Variants in STAM2 observed in about 807,000 individuals in gnomAD.
STAM2 encodes the protein signal transducing adapter molecule 2.
STAM2 carries 51 observed loss-of-function variants against 65.6 expected under a neutral mutation model. The observed-to-expected ratio is 0.78, with a 90% CI of 0.62 to 0.98. The LOEUF (loss-of-function observed/expected upper bound fraction) is 0.98, where lower values mean the gene tolerates loss of function less well. Ranked by LOEUF, STAM2 falls within the 50% of genes least tolerant of loss-of-function variation. STAM2 has a pLI of 0.00. For missense variants in STAM2, 584 were observed against 617.8 expected (o/e 0.95, Z 0.58); for synonymous variants, 198 against 208.4 (o/e 0.95, Z 0.43).
chr2:152,157,407 T>C (rs75577853), intron 1 of STAM2, among the ~76,000 whole-genome samples: 25 of 152,270 alleles, frequency 1.6e-4, no homozygotes, highest in East Asian at 9.7e-4. Flanking sequence ...AAGGAAGTAA[T>C]TGTTGTTAAA....
At chr2:152,144,826 C>G (rs866685342) in intron 6 of STAM2, 62 bp downstream of exon 6, 1 of 1,459,100 alleles carries the variant, frequency 6.9e-7, no homozygotes, top group Non-Finnish European at 9.6e-7. Context: ...CGTGAGCCAC[C>G]GCGCCCAGCC....
At chr2:152,151,825 C>T (rs762533400) in intron 1 of STAM2, among the ~76,000 whole-genome samples, 2 of 152,180 alleles carry the variant, frequency 1.3e-5, no homozygotes, top group Non-Finnish European at 2.9e-5. Flanking sequence ...GGGTCATCCA[C>T]GTTGTAGCAT....
In STAM2 at chr2:152,174,353, G is replaced by A. The variant is rs151176705; in HGVS notation, c.40+1250C>T. ...GATTCAAACAAAAGAATACTGCAATGAGGCGTTCCAAAAGGAAACAGTGAG... is the reference window on the plus strand; with the variant it reads ...GATTCAAACAAAAGAATACTGCAATAAGGCGTTCCAAAAGGAAACAGTGAG... On this transcript the variant is annotated intron_variant, in intron 1 of 13. Transcript: ENST00000263904. 2.6e-5 allele frequency among the ~76,000 whole-genome samples: 4 copies of A among 152,224 alleles called. No homozygotes were observed. In the East Asian group the frequency reaches 7.7e-4, roughly 29 times the overall value.
chr2:152,148,374 C>A (rs1689376810), intron 2 of STAM2, 74 bp from the exon 3 acceptor site: 1 of 1,213,726 alleles, frequency 8.2e-7, no homozygotes, highest in Non-Finnish European at 1.2e-6. Context: ...AGGTATTATT[C>A]TATTACCAAA....
chr2:152,147,173 C>T lies in STAM2; in HGVS notation c.436G>A (p.Ala146Thr). The stretch of plus-strand genomic sequence containing the variant: ...AATAAATCTCTCACCTGAGAACCTG[C>T]TGGAGGAAAAGTAATTCCTTCTTCT... ...MKEEGITFPP[A>T]GSQTVSAAAK... Residue 146 changes from alanine (A) to threonine (T), a missense_variant, in exon 5 of 14, where the codon GCA becomes ACA. Transcript: ENST00000263904. 1 of 1,606,956 alleles carries T rather than the reference C, an allele frequency of 6.2e-7. No homozygotes were observed. Among genetic ancestry groups the T allele is most frequent in the East Asian group, 2.2e-5 (1 of 44,658 alleles).
chr2:152,137,558 G>A (rs1339743895), intron 7 of STAM2, among the ~76,000 whole-genome samples: 2 of 151,976 alleles, frequency 1.3e-5, no homozygotes, highest in Non-Finnish European at 2.9e-5. Context: ...CTTCTTCTAG[G>A]CTGTCGCTGT....
At chr2:152,124,608 A>T (rs1300489627) in intron 12 of STAM2, 1 of 152,262 alleles carries the variant, frequency 6.6e-6, no homozygotes. Context: ...CCACCTGTCT[A>T]CTAAATATAG....
At position 152,126,719 on chromosome 2, in the gene STAM2, A is replaced by C. The variant is rs527351959; in HGVS notation, c.1026-340T>G. Among the ~76,000 whole-genome samples, 42 of 149,308 alleles carry C rather than the reference A, an allele frequency of 2.8e-4. No individual in the cohort carries two copies. The South Asian group carries it at 6.2e-3, about 22-fold the overall frequency. ...AGGCTACTTCCTTTGCAAACCCCCC[A>C]CGTTTTCTGTGCAGCAGATGGGAAA... On this transcript the variant is annotated intron_variant, in intron 11 of 13. Coordinates refer to ENST00000263904, the MANE Select transcript of STAM2 (RefSeq NM_005843.6).
At chr2:152,140,373 G>T (rs1278715413) in intron 7 of STAM2, among the ~76,000 whole-genome samples, 1 of 152,184 alleles carries the variant, frequency 6.6e-6, no homozygotes, top group Non-Finnish European at 1.5e-5. Flanking sequence ...AACAAAAAAT[G>T]TTACCATATT....
At chr2:152,149,283 A>T (rs1689395623) in intron 2 of STAM2, among the ~76,000 whole-genome samples, 1 of 152,148 alleles carries the variant, frequency 6.6e-6, no homozygotes, top group Admixed American at 6.5e-5. Context: ...GGCTTTAATT[A>T]TGTGTGTTAC....
At chr2:152,152,033 G>A (rs997430807) in intron 1 of STAM2, among the ~76,000 whole-genome samples, 5 of 151,950 alleles carry the variant, frequency 3.3e-5, no homozygotes, top group East Asian at 1.9e-4. Context: ...TTTATCTCCC[G>A]GGGCTCACGT....
At chr2:152,131,497 C>G (rs1689062624) in intron 11 of STAM2, 1 of 152,530 alleles carries the variant, frequency 6.6e-6, no homozygotes, top group South Asian at 2.1e-4. Flanking sequence ...AAACACCAGG[C>G]TCCCCAGCCA....
At chr2:152,136,219 G>C (rs1303049923) in intron 7 of STAM2, among the ~76,000 whole-genome samples, 1 of 152,036 alleles carries the variant, frequency 6.6e-6, no homozygotes, top group Non-Finnish European at 1.5e-5. Flanking sequence ...GAGGCGAGTG[G>C]ATCACCTGAG....
At chr2:152,172,519 C>T (rs1689913427) in intron 1 of STAM2, among the ~76,000 whole-genome samples, 1 of 151,974 alleles carries the variant, frequency 6.6e-6, no homozygotes, top group Non-Finnish European at 1.5e-5. Flanking sequence ...ATAAAATGAC[C>T]ATATCATACA....
rs1553843390 is a variant in STAM2 at position 152,118,460 on chromosome 2, A to ATGTG, written c.*2110_*2113dup. On this transcript the variant is annotated 3_prime_UTR_variant, in exon 14 of 14. Transcript: ENST00000263904. ...ATACTATATATTTATATATATATAT[A>ATGTG]TGTGTCATGTTTTATTATTCTAAAA... 29 of 149,174 alleles carry ATGTG rather than the reference A, an allele frequency of 1.9e-4. 1 individual carries two copies. The highest frequency in any genetic ancestry group is 6.4e-4 in the African/African-American group (26 of 40,756). The allele number at this position is 149,174 out of a possible 1,614,324, so 9.2% of individuals were successfully genotyped here. A position where few individuals can be genotyped will look rare whatever the true frequency, so the allele number is the denominator to read the frequency against.
intron 2 of STAM2, 137 bp downstream of exon 2, chr2:152,150,008 A>G (rs572986637): frequency 4.7e-6 from 3 of 633,924 alleles, no homozygotes; most frequent in Non-Finnish European, 8.3e-6. Context: ...TGTATAAGTG[A>G]ACCCTCGCAG....
chr2:152,121,229 C>A (rs1341519135), intron 13 of STAM2, among the ~76,000 whole-genome samples: 1 of 152,198 alleles, frequency 6.6e-6, no homozygotes, highest in Non-Finnish European at 1.5e-5. Context: ...TGGCCTTGGC[C>A]TCTCAAAGCG....
intron 12 of STAM2, 88 bp downstream of exon 12, chr2:152,126,138 G>A (rs1688960536): frequency 6.4e-6 from 7 of 1,090,268 alleles, no homozygotes; most frequent in African/African-American, 4.9e-5. Flanking sequence ...ACAGACAAAA[G>A]AAATCTTAAT....
At chr2:152,139,966 G>A (rs1375034176) in intron 7 of STAM2, among the ~76,000 whole-genome samples, 2 of 152,158 alleles carry the variant, frequency 1.3e-5, no homozygotes, top group Non-Finnish European at 2.9e-5. Flanking sequence ...ACAGGAAGAT[G>A]TGTGTAAGTT....
Sources: gnomAD v4.1 joint callset for allele counts (sites outside exome capture counted in the v4.1 genomes callset) on GRCh38, gnomAD v4.1.1 for gene constraint, MANE v1.5 for transcripts, NCBI Gene and HGNC (gene_info 2026-07-23, HGNC 2026-07-21) for gene names.